Variants in DAB1 observed in about 807,000 individuals in gnomAD.
DAB1 encodes DAB adaptor protein 1.
A neutral mutation model predicts 64.6 loss-of-function variants in DAB1; 15 were observed. The observed-to-expected ratio is 0.23, with a 90% confidence interval of 0.16 to 0.36. DAB1 has a LOEUF of 0.36. Among genes scored for constraint, DAB1 ranks in the 10% least tolerant of loss-of-function variants. DAB1 has a pLI of 1.00. For synonymous variants in DAB1, 235 were observed against 251.9 expected, an observed-to-expected ratio of 0.93 and a Z score of 0.64; for missense variants, 596 against 706.7, an observed-to-expected ratio of 0.84 and a Z score of 1.78.
intron 6 of DAB1, among the ~76,000 whole-genome samples, chr1:57,798,796 G>C (rs1650990539): frequency 6.6e-6 from 1 of 152,142 alleles, no homozygotes; most frequent in African/African-American, 2.4e-5. Context: ...TGTGGATTTT[G>C]CAATTGTAAA....
intron 5 of DAB1, among the ~76,000 whole-genome samples, chr1:58,098,111 G>T (rs541541290): frequency 2.0e-5 from 3 of 152,242 alleles, no homozygotes; most frequent in East Asian, 3.9e-4. Context: ...ATACATACAG[G>T]CCATGTCTTT....
rs1390913616 is a variant in DAB1, at chr1:57,575,756, C to T, written n.625+73836G>A. On this transcript the variant is annotated intron_variant and non_coding_transcript_variant, in intron 7 of 20. Transcript: ENST00000485760. Reference sequence around the variant, plus strand: ...CCTTAGCCAGGCTGCAGACTGTAAGCCATTCTTTAATTTAGCAAGTCATTA... The same window carrying T: ...CCTTAGCCAGGCTGCAGACTGTAAGTCATTCTTTAATTTAGCAAGTCATTA... Among the ~76,000 whole-genome samples, 4 of 152,262 alleles carry T rather than the reference C, an allele frequency of 2.6e-5. No individual in the cohort carries two copies. The East Asian group carries it at 7.7e-4, about 29-fold the overall frequency.
At chr1:58,076,935 G>T (rs1014242766) in intron 5 of DAB1, among the ~76,000 whole-genome samples, 27 of 152,176 alleles carry the variant, frequency 1.8e-4, no homozygotes, top group Non-Finnish European at 4.4e-5. Flanking sequence ...CTTCATCTAG[G>T]TAACTGCACA....
chr1:58,425,507 A>C (rs1173848763), intron 3 of DAB1, among the ~76,000 whole-genome samples: 1 of 152,212 alleles, frequency 6.6e-6, no homozygotes, highest in Non-Finnish European at 1.5e-5. Context: ...TGTTAGATGC[A>C]GATCTGAGAG....
At chr1:58,453,210 C>CG (rs1174607939) in intron 3 of DAB1, among the ~76,000 whole-genome samples, 1 of 151,450 alleles carries the variant, frequency 6.6e-6, no homozygotes, top group Non-Finnish European at 1.5e-5. Flanking sequence ...TAGTGATCAC[C>CG]GGGGGGTAGA....
chr1:58,194,510 T>C (rs943764943), intron 4 of DAB1, among the ~76,000 whole-genome samples: 1 of 152,242 alleles, frequency 6.6e-6, no homozygotes, highest in African/African-American at 2.4e-5. Context: ...AAGGATGTTT[T>C]AACACTTCTG....
intron 1 of DAB1, among the ~76,000 whole-genome samples, chr1:57,298,517 G>GCT (rs1466386224): frequency 6.6e-6 from 1 of 152,056 alleles, no homozygotes; most frequent in Non-Finnish European, 1.5e-5. Flanking sequence ...TCCAATCAAA[G>GCT]CTCTCTTGCC....
chr1:57,037,114 G>T (rs1042350017), intron 9 of DAB1, among the ~76,000 whole-genome samples: 5 of 152,316 alleles, frequency 3.3e-5, no homozygotes, highest in Admixed American at 6.5e-5. Flanking sequence ...CTAGGGTGGG[G>T]CCCTGGCATC....
chr1:57,406,643 C>A (rs926683675), intron 1 of DAB1, among the ~76,000 whole-genome samples: 6 of 152,182 alleles, frequency 3.9e-5, no homozygotes, highest in Non-Finnish European at 7.3e-5. Context: ...GCCACCAGCA[C>A]CGCAATCTCC....
At chr1:57,580,218 G>C (rs1240803689) in intron 7 of DAB1, among the ~76,000 whole-genome samples, 2 of 152,146 alleles carry the variant, frequency 1.3e-5, no homozygotes, top group African/African-American at 4.8e-5. Flanking sequence ...GGAAAACTGA[G>C]CAGCTTCTAG....
intron 7 of DAB1, among the ~76,000 whole-genome samples, chr1:57,633,601 G>T (rs1435868464): frequency 6.6e-6 from 1 of 152,218 alleles, no homozygotes; most frequent in Non-Finnish European, 1.5e-5. Flanking sequence ...GGCTGGCATT[G>T]TAATGTCTTT....
intron 7 of DAB1, among the ~76,000 whole-genome samples, chr1:57,440,013 A>G (rs1386216572): frequency 6.6e-6 from 1 of 152,118 alleles, no homozygotes; most frequent in Non-Finnish European, 1.5e-5. Context: ...CATACCAGAT[A>G]ATGGATTTCT....
chr1:57,386,376 A>C, intron 1 of DAB1, among the ~76,000 whole-genome samples: 1 of 151,068 alleles, frequency 6.6e-6, no homozygotes, highest in Non-Finnish European at 1.5e-5. Context: ...GAAAAAAAAA[A>C]AAAAAAAAAA....
At chr1:58,450,497 G>A (rs1438375990) in intron 3 of DAB1, among the ~76,000 whole-genome samples, 1 of 152,190 alleles carries the variant, frequency 6.6e-6, no homozygotes, top group African/African-American at 2.4e-5. Context: ...GCTCACGTCT[G>A]TAATCCCAGC....
At chr1:57,605,366 G>T (rs768564526) in intron 7 of DAB1, among the ~76,000 whole-genome samples, 1 of 152,176 alleles carries the variant, frequency 6.6e-6, no homozygotes, top group Non-Finnish European at 1.5e-5. Flanking sequence ...AAATCATGTT[G>T]AGAGTAGATC....
intron 4 of DAB1, among the ~76,000 whole-genome samples, chr1:58,178,351 T>C (rs970190066): frequency 6.6e-6 from 1 of 152,170 alleles, no homozygotes; most frequent in Admixed American, 6.5e-5. Flanking sequence ...TACGCTATTA[T>C]GGGCTGAAGT....
chr1:57,231,206 A>C (rs686982), intron 2 of DAB1, among the ~76,000 whole-genome samples: 2 of 152,218 alleles, frequency 1.3e-5, no homozygotes, highest in Admixed American at 1.3e-4. Context: ...ATTCTTTCCC[A>C]AAATTAGATT....
intron 5 of DAB1, among the ~76,000 whole-genome samples, chr1:57,891,186 A>G (rs1166531774): frequency 2.0e-5 from 3 of 152,238 alleles, no homozygotes; most frequent in Admixed American, 2.0e-4. Context: ...CAACCCCACC[A>G]AAGAGTGGGT....
intron 7 of DAB1, among the ~76,000 whole-genome samples, chr1:57,553,441 AG>A (rs1644943623): frequency 1.8e-4 from 1 of 5,474 alleles, no homozygotes; most frequent in South Asian, 0.056. Flanking sequence ...AAAGAAAGAA[AG>A]AGAAAGAAAG....
Sources: allele counts gnomAD v4.1 joint callset (sites outside exome capture counted in the v4.1 genomes callset), GRCh38; gene constraint gnomAD v4.1.1; transcripts MANE v1.5; gene names NCBI Gene and HGNC (gene_info 2026-07-23, HGNC 2026-07-21).